PTPRN2: variants seen among roughly 807,000 people sequenced by gnomAD.
PTPRN2 encodes receptor-type tyrosine-protein phosphatase N2.
A neutral mutation model predicts 118.8 loss-of-function variants in PTPRN2; 74 were observed. The ratio of observed to expected loss-of-function variants is 0.62; its 90% CI spans 0.52 to 0.76. The LOEUF is 0.76. PTPRN2 is among the 30% of genes least tolerant of loss of function. The pLI is 0.00. For synonymous variants in PTPRN2, 641 were observed against 608.0 expected (o/e 1.05, Z -0.80); for missense variants, 1,481 against 1,394.4 (o/e 1.06, Z -0.99).
intron 3 of PTPRN2, among the ~76,000 whole-genome samples, chr7:158,233,576 G>C (rs770652235): frequency 1.3e-5 from 2 of 151,960 alleles, no homozygotes; most frequent in Non-Finnish European, 2.9e-5. Flanking sequence ...CATCAGTGTA[G>C]TCCCTATCAA....
intron 12 of PTPRN2, among the ~76,000 whole-genome samples, chr7:157,875,494 C>T (rs558694273): frequency 1.2e-4 from 18 of 152,342 alleles, no homozygotes; most frequent in African/African-American, 3.4e-4. Context: ...GAGTCATTGC[C>T]GGGAACTTCA....
chr7:157,834,305 C>T (rs900974608), intron 12 of PTPRN2, among the ~76,000 whole-genome samples: 6 of 142,272 alleles, frequency 4.2e-5, no homozygotes, highest in Non-Finnish European at 7.5e-5. Flanking sequence ...TCCATCAATT[C>T]CACCCACCAG....
intron 12 of PTPRN2, among the ~76,000 whole-genome samples, chr7:157,742,993 G>T (rs1386095268): frequency 1.3e-5 from 2 of 152,204 alleles, no homozygotes; most frequent in Non-Finnish European, 2.9e-5. Flanking sequence ...AATGCTCTGT[G>T]CTAAGGCTGT....
intron 12 of PTPRN2, among the ~76,000 whole-genome samples, chr7:157,770,295 A>G (rs1802725265): frequency 6.6e-6 from 1 of 152,246 alleles, no homozygotes; most frequent in South Asian, 2.1e-4. Flanking sequence ...TCAGTCACAG[A>G]ATGCATGATG....
chr7:158,291,432 T>C (rs951736568), intron 3 of PTPRN2, among the ~76,000 whole-genome samples: 1 of 152,238 alleles, frequency 6.6e-6, no homozygotes, highest in African/African-American at 2.4e-5. Flanking sequence ...GTTTGGGTTT[T>C]TTTAGTCTAA....
chr7:157,572,497 C>T (rs575837543), intron 19 of PTPRN2, among the ~76,000 whole-genome samples: 1 of 152,334 alleles, frequency 6.6e-6, no homozygotes, highest in African/African-American at 2.4e-5. Context: ...TGCTACAAAC[C>T]TTTGAAGCCA....
At chr7:157,644,717 C>A (rs1177727430) in intron 14 of PTPRN2, among the ~76,000 whole-genome samples, 2 of 151,972 alleles carry the variant, frequency 1.3e-5, no homozygotes, top group Admixed American at 6.6e-5. Context: ...ATCACTTGAA[C>A]CCGAGAGGCA....
At chr7:158,124,344 G>T (rs567419340) in intron 9 of PTPRN2, among the ~76,000 whole-genome samples, 1 of 152,326 alleles carries the variant, frequency 6.6e-6, no homozygotes, top group African/African-American at 2.4e-5. Flanking sequence ...TTTACAGATG[G>T]TTCTGCATGA....
chr7:158,085,868 T>C (rs1008541205), intron 10 of PTPRN2, among the ~76,000 whole-genome samples: 1,545 of 130,036 alleles, frequency 0.012, 10 homozygotes, highest in Non-Finnish European at 0.018. Context: ...ACGACGCCCA[T>C]CCACACCTAC....
intron 12 of PTPRN2, among the ~76,000 whole-genome samples, chr7:157,750,326 G>A (rs1801387496): frequency 6.6e-6 from 1 of 152,148 alleles, no homozygotes; most frequent in Non-Finnish European, 1.5e-5. Flanking sequence ...TCAAATCTCT[G>A]GGTCTTGGCT....
chr7:158,189,845 AGAG>A (rs1366070735), intron 5 of PTPRN2, among the ~76,000 whole-genome samples: 17 of 152,218 alleles, frequency 1.1e-4, no homozygotes, highest in Non-Finnish European at 2.1e-4. Context: ...ACAGCGGGGC[AGAG>A]GAGGAGGACA....
chr7:158,299,351 G>A (rs189116418), intron 3 of PTPRN2, among the ~76,000 whole-genome samples: 60 of 150,718 alleles, frequency 4.0e-4, no homozygotes, highest in Middle Eastern at 3.4e-3. Context: ...AGGCTGGAGT[G>A]CAATGGCATG....
chr7:157,980,460 C>T (rs1803052213), intron 11 of PTPRN2, among the ~76,000 whole-genome samples: 1 of 152,182 alleles, frequency 6.6e-6, no homozygotes, highest in African/African-American at 2.4e-5. Flanking sequence ...GCCATAGATA[C>T]CCTGTGATTG....
intron 12 of PTPRN2, among the ~76,000 whole-genome samples, chr7:157,774,297 T>C (rs1350901767): frequency 1.3e-5 from 2 of 152,258 alleles, no homozygotes; most frequent in Admixed American, 1.3e-4. Context: ...TCCTCCATGA[T>C]GTCTTTATAC....
At chr7:158,478,638 C>T (rs1391226524) in intron 2 of PTPRN2, among the ~76,000 whole-genome samples, 1 of 152,166 alleles carries the variant, frequency 6.6e-6, no homozygotes, top group Non-Finnish European at 1.5e-5. Flanking sequence ...GGCTGCCCTT[C>T]AGTTTTGACT....
At position 158,316,850 on chromosome 7, in the gene PTPRN2, C is replaced by T. The variant is rs750261607; in HGVS notation, c.246G>A (p.Leu82=). 2.5e-6 allele frequency: 4 copies of T among 1,609,666 alleles called. No homozygotes were observed. The highest frequency in any genetic ancestry group is 2.2e-5 in the East Asian group (1 of 44,868). Residue 82 remains leucine, a synonymous_variant, in exon 3 of 23, where the codon CTG becomes CTA. Coordinates refer to ENST00000389418, the MANE Select transcript of PTPRN2 (RefSeq NM_002847.5). ...CGGAAAGCTTCTGCAACGCCACGCG[C>T]AGGCGCTGCAGGGCCACGGGCGACA... ...YEVSPVALQR[L]RVALQKLSGT... is the part of the protein sequence containing the mutation.
intron 12 of PTPRN2, among the ~76,000 whole-genome samples, chr7:157,704,577 C>T (rs1281133294): frequency 6.6e-6 from 1 of 152,204 alleles, no homozygotes; most frequent in Non-Finnish European, 1.5e-5. Context: ...CTCCTGGGCA[C>T]CCTACCACCT....
chr7:157,803,594 T>C (rs1396699357), intron 12 of PTPRN2, among the ~76,000 whole-genome samples: 1 of 152,208 alleles, frequency 6.6e-6, no homozygotes, highest in Non-Finnish European at 1.5e-5. Context: ...TTAGCCCATG[T>C]TGAGTGGGTT....
chr7:158,561,948 G>T (rs1827416829), intron 1 of PTPRN2, among the ~76,000 whole-genome samples: 2 of 152,192 alleles, frequency 1.3e-5, no homozygotes, highest in South Asian at 2.1e-4. Flanking sequence ...ACACTGAGAG[G>T]AAGCTCACTG....
Sources: gnomAD v4.1 joint callset for allele counts (sites outside exome capture counted in the v4.1 genomes callset) on GRCh38, gnomAD v4.1.1 for gene constraint, MANE v1.5 for transcripts, NCBI Gene and HGNC (gene_info 2026-07-23, HGNC 2026-07-21) for gene names.